The following PHRF1 variants were observed in gnomAD, a reference collection of about 807,000 sequenced individuals.
The protein encoded by PHRF1 is PHD and ring finger domains 1, also known as PHD and RING finger domain-containing protein 1.
Under a neutral mutation model 128.9 loss-of-function variants are expected in PHRF1, and 53 were observed. The observed-to-expected ratio is 0.41, with a 90% CI of 0.33 to 0.52. The LOEUF is 0.52. Ranked by LOEUF, PHRF1 falls within the 20% of genes least tolerant of loss-of-function variation. The probability of loss-of-function intolerance (pLI) is 0.21; values close to 1 mark genes in which losing one functional copy is unlikely to be tolerated. For synonymous variants in PHRF1, 1,178 were observed against 980.6 expected (o/e 1.20, Z -3.76); for missense variants, 2,503 against 2,284.5 (o/e 1.10, Z -1.95).
In PHRF1 at chr11:610,707, G is replaced by T; in HGVS notation, c.4623G>T (p.Ser1541=). ...PASQATAASN[S]EEKTPAPRLA... ...GTCAAGCCACTGCAGCCAGCAACTC[G>T]GAGGAGAAGACCCCGGCCCCCAGGC... Residue 1541 remains serine, a synonymous_variant, in exon 16 of 18, where the codon TCG becomes TCT. Transcript: ENST00000264555. The T allele has an allele frequency of 6.2e-7, 1 of 1,603,176 alleles. No individual in the cohort carries two copies. Among genetic ancestry groups the T allele is most frequent in the Non-Finnish European group, 8.5e-7 (1 of 1,179,722 alleles).
chr11:589,696 T>A (rs548082861), intron 4 of PHRF1, among the ~76,000 whole-genome samples: 1 of 152,204 alleles, frequency 6.6e-6, no homozygotes, highest in Non-Finnish European at 1.5e-5. Context: ...AAAGAAAGCA[T>A]GGGTAGCTCT....
At chr11:609,791 A>G in intron 14 of PHRF1, 71 bp downstream of exon 14, 1 of 1,071,646 alleles carries the variant, frequency 9.3e-7, no homozygotes, top group Non-Finnish European at 1.2e-6. Context: ...CGCCGAGGAC[A>G]GAGCCCCCCG....
chr11:610,875 G>A (rs1204853457), intron 16 of PHRF1, 79 bp from the exon 17 acceptor site: 8 of 1,588,574 alleles, frequency 5.0e-6, no homozygotes, highest in Non-Finnish European at 6.9e-6. Flanking sequence ...AACTGCAAGG[G>A]TGTCCAGAAC....
Position 581,546 on chromosome 11 carries a change from C to T in PHRF1, c.34C>T (p.Arg12Trp), listed in dbSNP as rs762204010. The change falls in exon 2 of 18, where the codon CGG becomes TGG. Residue 12 changes from arginine (R) to tryptophan (W), a missense_variant. By Grantham distance (101) the Arg-to-Trp change is moderately radical. Transcript: ENST00000264555. The stretch of plus-strand genomic sequence containing the variant: ...CGACAGCCTGGATGAGCTTGTGGCC[C>T]GGAGCCCAGGGCCGGATGGACACCC... ...DDDSLDELVA[R>W]SPGPDGHPQV... 13 of 1,613,466 alleles carry T rather than the reference C, an allele frequency of 8.1e-6. No homozygotes were observed. Among genetic ancestry groups the T allele is most frequent in the African/African-American group, 4.0e-5 (3 of 74,936 alleles).
Position 587,416 on chromosome 11 carries a change from G to T in PHRF1, c.372G>T (p.Glu124Asp). ...AFRDQAVGTP[E>D]NCAHYFCLDC... ...GAGACCAGGCCGTGGGGACGCCGGA[G>T]AACTGTGCCCATTACTTCTGCCTGG... The change falls in exon 4 of 18, where the codon GAG (glutamate) becomes GAT (aspartate). Residue 124 changes from glutamate to aspartate, a missense_variant. Coordinates refer to ENST00000264555, the MANE Select transcript of PHRF1 (RefSeq NM_001286581.2). 1 of 1,613,806 alleles carries T rather than the reference G, an allele frequency of 6.2e-7. No individual in the cohort carries two copies. The highest frequency in any genetic ancestry group is 8.5e-7 in the Non-Finnish European group (1 of 1,179,906).
At position 610,482 on chromosome 11, in the gene PHRF1, G is replaced by A; in HGVS notation, c.4417-19G>A. ...TGCTAGCTGTAGGGCCCAGTGCTCA[G>A]CAGGGGTGTCCCTCCCAGGTTTACA... On this transcript the variant is annotated intron_variant, in intron 15 of 17. Transcript: ENST00000264555. 1 of 1,597,584 alleles carries A rather than the reference G, an allele frequency of 6.3e-7. No individual in the cohort carries two copies. Among genetic ancestry groups the A allele is most frequent in the Non-Finnish European group, 8.5e-7 (1 of 1,174,030 alleles).
At chr11:588,247 G>C (rs1854702386) in intron 4 of PHRF1, among the ~76,000 whole-genome samples, 1 of 152,172 alleles carries the variant, frequency 6.6e-6, no homozygotes, top group Non-Finnish European at 1.5e-5. Flanking sequence ...TTTGAAGCAG[G>C]ACCCAGACAT....
Position 581,834 on chromosome 11 carries a change from C to T in PHRF1, c.95-128C>T, listed in dbSNP as rs559483499. The T allele has an allele frequency of 1.0e-5, 14 of 1,356,880 alleles. No individual in the cohort carries two copies. In the Admixed American group the frequency reaches 1.5e-4, roughly 15 times the overall value. 84.1% of individuals were successfully genotyped at this position (1,356,880 alleles called of 1,614,324 possible). The stretch of plus-strand genomic sequence containing the variant: ...TTCCTTGCTTGTGCCCCCACCTTGC[C>T]GGCCCTGGGGAAGCCGTTAGCCGTT... On this transcript the variant is annotated intron_variant, in intron 2 of 17. Coordinates refer to ENST00000264555, the MANE Select transcript of PHRF1 (RefSeq NM_001286581.2).
At position 609,062 on chromosome 11, in the gene PHRF1, C is replaced by T. The variant is rs776646051; in HGVS notation, c.3606C>T (p.Ser1202=). ...PERKGAVREA[S]PAPLAQGEPG... The stretch of plus-strand genomic sequence containing the variant: ...GGAAGGGGGCTGTGAGGGAGGCTTC[C>T]CCAGCGCCCCTTGCACAGGGGGAGC... Residue 1202 remains serine, a synonymous_variant, in exon 14 of 18, where the codon TCC becomes TCT. Coordinates refer to ENST00000264555, the MANE Select transcript of PHRF1 (RefSeq NM_001286581.2). 6.3e-7 allele frequency: 1 copy of T among 1,596,844 alleles called. No homozygotes were observed. Among genetic ancestry groups the T allele is most frequent in the South Asian group, 1.1e-5 (1 of 89,632 alleles).
Position 598,515 on chromosome 11 carries a change from G to C in PHRF1, c.1024+13G>C, listed in dbSNP as rs985279880. 1.2e-6 allele frequency: 2 copies of C among 1,603,634 alleles called. No individual in the cohort carries two copies. The highest frequency in any genetic ancestry group is 2.2e-5 in the South Asian group (2 of 90,340). On this transcript the variant is annotated intron_variant, in intron 9 of 17. Transcript: ENST00000264555. ...AAGAGGAAGACAAGTAAGCCTGAAG[G>C]GATGGACTCTCCCGCCAGCCACAGG... is the stretch of plus-strand genomic sequence containing the variant.
chr11:611,189 C>T, intron 17 of PHRF1, 107 bp downstream of exon 17: 1 of 1,524,378 alleles, frequency 6.6e-7, no homozygotes, highest in East Asian at 2.4e-5. Flanking sequence ...GGCCCGAGGT[C>T]AGCCAGCCAG....
At position 609,063 on chromosome 11, in the gene PHRF1, C is replaced by G; in HGVS notation, c.3607C>G (p.Pro1203Ala). The change falls in exon 14 of 18, where the codon CCA becomes GCA. Residue 1203 changes from proline (P) to alanine (A), a missense_variant. Physicochemically the swap from Pro to Ala is conservative, Grantham distance 27. Coordinates refer to ENST00000264555, the MANE Select transcript of PHRF1 (RefSeq NM_001286581.2). Reference sequence around the variant, plus strand: ...GAAGGGGGCTGTGAGGGAGGCTTCCCCAGCGCCCCTTGCACAGGGGGAGCC... The same window carrying G: ...GAAGGGGGCTGTGAGGGAGGCTTCCGCAGCGCCCCTTGCACAGGGGGAGCC... ...ERKGAVREASPAPLAQGEPGR... is the reference protein window; with the variant it reads ...ERKGAVREASAAPLAQGEPGR... The G allele has an allele frequency of 6.3e-7, 1 of 1,597,460 alleles. No individual in the cohort carries two copies. Among genetic ancestry groups the G allele is most frequent in the Non-Finnish European group, 8.5e-7 (1 of 1,172,582 alleles).
rs764952884 is a variant in PHRF1 at position 605,683 on chromosome 11, C to T, written c.1413C>T (p.Ser471=). Residue 471 remains serine (S), a synonymous_variant, in exon 12 of 18, where the codon TCC becomes TCT. Transcript: ENST00000264555. The part of the protein sequence containing the change: ...RRALSRSALQ[S]HQPVARPVSV... ...CTCTGTCCCGGTCAGCCCTGCAGTC[C>T]CACCAGCCCGTGGCCAGGCCCGTCT... 2 of 1,613,294 alleles carry T rather than the reference C, an allele frequency of 1.2e-6. No individual in the cohort carries two copies. Among genetic ancestry groups the T allele is most frequent in the South Asian group, 1.1e-5 (1 of 91,090 alleles).
At position 607,536 on chromosome 11, in the gene PHRF1, C is replaced by T. The variant is rs756705711; in HGVS notation, c.2080C>T (p.Arg694Trp). The T allele has an allele frequency of 1.1e-5, 18 of 1,612,560 alleles. No homozygotes were observed. Among genetic ancestry groups the T allele is most frequent in the East Asian group, 2.2e-5 (1 of 44,900 alleles). ...CAGGAGAGATGACGGTGGTGGCAGA[C>T]GGGATGCGGCCCCGGCCCACGGGCA... ...KIRRDDGGGR[R>W]DAAPAHGQSI... is the part of the protein sequence containing the mutation. Residue 694 changes from arginine (R) to tryptophan (W), a missense_variant, in exon 14 of 18, where the codon CGG becomes TGG. Coordinates refer to ENST00000264555, the MANE Select transcript of PHRF1 (RefSeq NM_001286581.2).
At chr11:604,938 T>C (rs562418047) in intron 10 of PHRF1, among the ~76,000 whole-genome samples, 181 bp from the exon 11 acceptor site, 1 of 152,274 alleles carries the variant, frequency 6.6e-6, no homozygotes, top group Non-Finnish European at 1.5e-5. Flanking sequence ...TCACGGCCGA[T>C]GTGTGCGGCA....
Position 582,099 on chromosome 11 carries a change from C to T in PHRF1, c.214+18C>T, listed in dbSNP as rs1490120730. On this transcript the variant is annotated intron_variant, in intron 3 of 17. Transcript: ENST00000264555. ...CAGATCTGGTGAGACAGCTGGTGTT[C>T]ACGCCGGCTCCTGTGTTTCCTCTTG... 6.4e-7 allele frequency: 1 copy of T among 1,571,244 alleles called. No homozygotes were observed. The highest frequency in any genetic ancestry group is 8.6e-7 in the Non-Finnish European group (1 of 1,158,606).
chr11:596,374 G>A (rs1855278574), intron 6 of PHRF1, among the ~76,000 whole-genome samples: 1 of 152,202 alleles, frequency 6.6e-6, no homozygotes. Context: ...GCCTTCTTCA[G>A]TGGCTTGGTG....
chr11:609,494 G>A lies in PHRF1; in HGVS notation c.4038G>A (p.Leu1346=), dbSNP rs1856212532. The A allele has an allele frequency of 1.2e-6, 2 of 1,604,290 alleles. No homozygotes were observed. The highest frequency in any genetic ancestry group is 2.2e-5 in the East Asian group (1 of 44,822). ...CAGAGGGCACCCAGGAGCCACATTT[G>A]CTCAGGCCGGACGCGGCTGAGAAGG... ...PLPEGTQEPH[L]LRPDAAEKAE... The change falls in exon 14 of 18, where the codon TTG becomes TTA. Residue 1346 remains leucine, a synonymous_variant. Transcript: ENST00000264555.
In PHRF1 at chr11:594,072, T is replaced by C. The variant is rs570540613; in HGVS notation, c.620+1398T>C. ...GGCACAGTGCTTATTGGCTGTTGAT[T>C]ACTGACTTACACCGTGAATATATGC... On this transcript the variant is annotated intron_variant, in intron 6 of 17. Transcript: ENST00000264555. Among the ~76,000 whole-genome samples the C allele has an allele frequency of 2.1e-4, 32 of 152,282 alleles. No individual in the cohort carries two copies. The East Asian group carries it at 4.4e-3, about 21-fold the overall frequency.
Sources: gnomAD v4.1 joint callset for allele counts (sites outside exome capture counted in the v4.1 genomes callset) on GRCh38, gnomAD v4.1.1 for gene constraint, MANE v1.5 for transcripts, NCBI Gene and HGNC (gene_info 2026-07-23, HGNC 2026-07-21) for gene names.